Variants in RPS3 observed in about 807,000 individuals in gnomAD.
RPS3 encodes the protein small ribosomal subunit protein uS3.
RPS3 carries 2 observed loss-of-function variants against 25.8 expected under a neutral mutation model. The ratio of observed to expected loss-of-function variants is 0.08; its 90% CI spans 0.03 to 0.24. RPS3 has a LOEUF of 0.24. Ranked by LOEUF, RPS3 falls within the 10% of genes least tolerant of loss-of-function variation. RPS3 has a pLI of 1.00. For missense variants in RPS3, 107 were observed against 307.1 expected (o/e 0.35, Z 4.87); for synonymous variants, 114 against 114.2 (o/e 1.00, Z 0.01).
downstream of RPS3, among the ~76,000 whole-genome samples, chr11:75,410,061 C>CG (rs1232894922): frequency 2.3e-5 from 3 of 129,884 alleles, no homozygotes; most frequent in South Asian, 2.5e-4. Flanking sequence ...GCTGGCCAGG[C>CG]GGGGGGCTGA....
At chr11:75,403,944 A>G in intron 4 of RPS3, 76 bp from the exon 5 acceptor site, 1 of 1,410,846 alleles carries the variant, frequency 7.1e-7, no homozygotes. Context: ...ATTGAAAACC[A>G]AGTCTTTGTT....
At chr11:75,413,650 C>A (rs1344270107) in intron 6 of RPS3, among the ~76,000 whole-genome samples, 2 of 152,176 alleles carry the variant, frequency 1.3e-5, no homozygotes, top group Non-Finnish European at 2.9e-5. Flanking sequence ...TTAAGTATGA[C>A]AATACTGGCA....
downstream of RPS3, among the ~76,000 whole-genome samples, chr11:75,410,534 A>AT (rs1948345313): frequency 6.7e-6 from 1 of 150,198 alleles, no homozygotes; most frequent in African/African-American, 2.5e-5. Context: ...GGCTCCTCAT[A>AT]TCCCAGACGA....
downstream of RPS3, among the ~76,000 whole-genome samples, chr11:75,410,774 A>G (rs1041027923): frequency 7.2e-5 from 11 of 152,208 alleles, no homozygotes; most frequent in Non-Finnish European, 1.3e-4. Context: ...ACTCGCGGTT[A>G]GGAGCTGGAG....
chr11:75,407,391 G>A (rs1948300015), downstream of RPS3, among the ~76,000 whole-genome samples: 1 of 152,182 alleles, frequency 6.6e-6, no homozygotes, highest in Non-Finnish European at 1.5e-5. Context: ...CCCCACCTCG[G>A]CCTTCCAGAG....
At position 75,401,707 on chromosome 11, in the gene RPS3, T is replaced by A. The variant is rs1229279903; in HGVS notation, c.229T>A (p.Phe77Ile). ...ACTGACTGCTGTAGTTCAGAAGAGG[T>A]TTGGCTTTCCAGAGGGCAGTGTAGA... ...RELTAVVQKR[F>I]GFPEGSVELY... Residue 77 changes from phenylalanine to isoleucine, a missense_variant, in exon 3 of 7, where the codon TTT (phenylalanine) becomes ATT (isoleucine). Around this residue, in one of 2 missense-constraint regions of RPS3, gnomAD observed 81 missense variants for 286.8 expected, o/e 0.28. Coordinates refer to ENST00000531188, the MANE Select transcript of RPS3 (RefSeq NM_001005.5). The A allele has an allele frequency of 6.2e-7, 1 of 1,612,232 alleles. No homozygotes were observed. Among genetic ancestry groups the A allele is most frequent in the Non-Finnish European group, 8.5e-7 (1 of 1,178,450 alleles).
chr11:75,414,628 A>G (rs1306525929), intron 6 of RPS3, among the ~76,000 whole-genome samples: 1 of 152,150 alleles, frequency 6.6e-6, no homozygotes, highest in Non-Finnish European at 1.5e-5. Context: ...AAATTAAAAT[A>G]AATAAAAAAG....
downstream of RPS3, among the ~76,000 whole-genome samples, chr11:75,407,820 A>G (rs987811399): frequency 6.6e-6 from 1 of 152,218 alleles, no homozygotes; most frequent in African/African-American, 2.4e-5. Flanking sequence ...TGTGCCGTAT[A>G]TTAGATTAGG....
chr11:75,420,655 A>G (rs545503219), intron 6 of RPS3, among the ~76,000 whole-genome samples: 6 of 152,138 alleles, frequency 3.9e-5, no homozygotes, highest in Non-Finnish European at 8.8e-5. Context: ...GATTTAGTGT[A>G]GTCAGTGGGA....
intron 6 of RPS3, among the ~76,000 whole-genome samples, chr11:75,418,863 T>C (rs1365028049): frequency 2.0e-5 from 3 of 152,132 alleles, no homozygotes; most frequent in Non-Finnish European, 4.4e-5. Flanking sequence ...CACTGTGATA[T>C]ATGCATCCCA....
At chr11:75,414,429 G>T (rs1948380770) in intron 6 of RPS3, among the ~76,000 whole-genome samples, 2 of 152,278 alleles carry the variant, frequency 1.3e-5, no homozygotes, top group South Asian at 4.1e-4. Context: ...GGCTAACACG[G>T]TGAAACCCTG....
intron 6 of RPS3, among the ~76,000 whole-genome samples, chr11:75,418,374 T>A (rs1227521225): frequency 2.0e-5 from 3 of 152,268 alleles, no homozygotes; most frequent in Non-Finnish European, 2.9e-5. Flanking sequence ...AAACATTTTT[T>A]AACCGTATTT....
chr11:75,409,990 GC>G (rs1948331183), downstream of RPS3, among the ~76,000 whole-genome samples: 1 of 137,444 alleles, frequency 7.3e-6, no homozygotes. Flanking sequence ...GGGCAGAGGG[GC>G]TCCTCACTTC....
intron 4 of RPS3, chr11:75,403,649 A>C (rs1554989712): frequency 6.1e-6 from 1 of 164,764 alleles, no homozygotes; most frequent in Non-Finnish European, 1.3e-5. Flanking sequence ...TGTGGTTCTC[A>C]GTTTTGGTTA....
At chr11:75,421,683 C>A (rs1044645856) in intron 6 of RPS3, 3 of 152,260 alleles carry the variant, frequency 2.0e-5, no homozygotes, top group Admixed American at 2.0e-4. Flanking sequence ...AGCCTCCACT[C>A]CGTAGTTGTT....
Position 75,404,000 on chromosome 11 carries a change from T to A in RPS3, c.351-20T>A, listed in dbSNP as rs758576532. On this transcript the variant is annotated intron_variant, in intron 4 of 6. Coordinates refer to ENST00000531188, the MANE Select transcript of RPS3 (RefSeq NM_001005.5). The stretch of plus-strand genomic sequence containing the variant: ...AGGTCCTTGGCAATAACACAGTGGC[T>A]CTCTTCTGTTCTTTTAAAGGGCCTG... The A allele has an allele frequency of 2.0e-5, 32 of 1,605,288 alleles. No individual in the cohort carries two copies. The South Asian group carries it at 3.1e-4, about 16-fold the overall frequency.
chr11:75,406,210 T>G lies in RPS3; in HGVS notation c.*600T>G, dbSNP rs576742020. ...CAGTCATTGGTACTACAGGCTATTA[T>G]GTTCTGGAGAACTGTGAAGAACATT... On this transcript the variant is annotated 3_prime_UTR_variant, in exon 7 of 7. Coordinates refer to ENST00000531188, the MANE Select transcript of RPS3 (RefSeq NM_001005.5). 6.6e-6 allele frequency: 1 copy of G among 152,414 alleles called. No individual in the cohort carries two copies. The highest frequency in any genetic ancestry group is 2.1e-4 in the South Asian group (1 of 4,836). The allele number at this position is 152,414 out of a possible 1,614,324, so 9.4% of individuals were successfully genotyped here. A position where few individuals can be genotyped will look rare whatever the true frequency, so the allele number is the denominator to read the frequency against.
chr11:75,414,274 C>CA (rs1467994531), intron 6 of RPS3, among the ~76,000 whole-genome samples: 1 of 152,162 alleles, frequency 6.6e-6, no homozygotes, highest in Admixed American at 6.6e-5. Flanking sequence ...TGGCTATTGG[C>CA]AACATGGAGA....
chr11:75,402,318 G>T (rs1198056193), intron 3 of RPS3, 34 bp from the exon 4 acceptor site: 1 of 1,604,678 alleles, frequency 6.2e-7, no homozygotes, highest in Non-Finnish European at 8.5e-7. Flanking sequence ...AAATAATGGT[G>T]ATGGTAACAG....
Sources: allele counts gnomAD v4.1 joint callset (sites outside exome capture counted in the v4.1 genomes callset), GRCh38; gene constraint gnomAD v4.1.1; regional missense constraint gnomAD v4.1.1; transcripts MANE v1.5; gene names NCBI Gene and HGNC (gene_info 2026-07-23, HGNC 2026-07-21).